The following NEB variants were observed in gnomAD, a reference collection of about 807,000 sequenced individuals.
The protein encoded by NEB is nemaline myopathy type 2.
In NEB, 512 loss-of-function variants were observed where a neutral mutation model predicts 952.2. That is an observed-to-expected ratio of 0.54 (90% CI 0.50 to 0.58). The LOEUF is 0.58. NEB is among the 20% of genes least tolerant of loss of function. The pLI is 0.00. For synonymous variants in NEB, 2,900 were observed against 3,149.8 expected, an observed-to-expected ratio of 0.92 and a Z score of 2.66; for missense variants, 8,428 against 9,231.1, an observed-to-expected ratio of 0.91 and a Z score of 3.56.
intron 68 of NEB, among the ~76,000 whole-genome samples, 152 bp from the exon 69 acceptor site, chr2:151,627,986 T>C (rs2098556102): frequency 6.6e-6 from 1 of 152,210 alleles, no homozygotes; most frequent in African/African-American, 2.4e-5. Context: ...TAAATTCTTA[T>C]TAGACTCTAC....
chr2:151,641,839 G>C (rs566299587), intron 60 of NEB, among the ~76,000 whole-genome samples: 1 of 152,072 alleles, frequency 6.6e-6, no homozygotes, highest in Non-Finnish European at 1.5e-5. Context: ...TATACTTTAA[G>C]TTCTAGGGTA....
chr2:151,636,517 CA>C (rs764605177), intron 63 of NEB, among the ~76,000 whole-genome samples, 183 bp from the exon 64 acceptor site: 2 of 152,160 alleles, frequency 1.3e-5, no homozygotes, highest in Non-Finnish European at 2.9e-5. Context: ...TGGTGGCTCA[CA>C]CCTGTAATCC....
At chr2:151,495,338 G>T (rs1334003599) in intron 173 of NEB, 1 of 152,196 alleles carries the variant, frequency 6.6e-6, no homozygotes, top group African/African-American at 2.4e-5. Context: ...TCAGTAATGA[G>T]AACTTGTTAA....
Position 151,567,304 on chromosome 2 carries a change from A to C in NEB, c.18020T>G (p.Val6007Gly). ...CCCCTGCTTGGCGGCCAAGACTGACACCATATCAGCAGGTATATTGATTTT... is the reference window on the plus strand; with the variant it reads ...CCCCTGCTTGGCGGCCAAGACTGACCCCATATCAGCAGGTATATTGATTTT... ...KAKINIPADM[V>G]SVLAAKQGQT... The change falls in exon 114 of 182, where the codon GTG becomes GGG. Residue 6007 changes from valine (V) to glycine (G), a missense_variant. Transcript: ENST00000397345. 1 of 1,613,962 alleles carries C rather than the reference A, an allele frequency of 6.2e-7. No homozygotes were observed.
In NEB at chr2:151,533,514, C is replaced by T; in HGVS notation, c.21345G>A (p.Leu7115=). 1 of 1,551,042 alleles carries T rather than the reference C, an allele frequency of 6.4e-7. No homozygotes were observed. Among genetic ancestry groups the T allele is most frequent in the Non-Finnish European group, 8.7e-7 (1 of 1,146,536 alleles). ...GCAGAATTTCATTACATCCATGTTG[C>T]AGAAACATCTTGGCACTAGATTTAT... ...RKYKSSAKMF[L]QHGCNEILRP... Residue 7115 remains leucine (L), a synonymous_variant, in exon 143 of 182, where the codon CTG becomes CTA. Coordinates refer to ENST00000397345, the MANE Select transcript of NEB (RefSeq NM_001164508.2).
chr2:151,698,203 AT>A (rs1268047532), intron 13 of NEB, among the ~76,000 whole-genome samples: 5 of 152,066 alleles, frequency 3.3e-5, no homozygotes, highest in African/African-American at 7.2e-5. Context: ...ACTCAAAAAA[AT>A]TTTTTTTCTT....
rs751650751 is a variant in NEB at position 151,610,554 on chromosome 2, T to C, written c.11980A>G (p.Ile3994Val). ...DYDLRADAIS[I>V]KSAKASRDIA... ...TCCCTGGAGGCCTTGGCACTTTTGA[T>C]GGAAATAGCATCTGCTCTCAGATCA... Residue 3994 changes from isoleucine to valine, a missense_variant, in exon 80 of 182, where the codon ATC becomes GTC. Coordinates refer to ENST00000397345, the MANE Select transcript of NEB (RefSeq NM_001164508.2). The C allele has an allele frequency of 1.9e-6, 3 of 1,613,782 alleles. No individual in the cohort carries two copies. The South Asian group carries it at 3.3e-5, about 18-fold the overall frequency.
intron 27 of NEB, among the ~76,000 whole-genome samples, chr2:151,686,077 A>G (rs1193101174): frequency 1.3e-5 from 2 of 152,222 alleles, no homozygotes; most frequent in African/African-American, 2.4e-5. Context: ...ATTGAAAACA[A>G]CAGTTTGTCT....
rs1419117871 is a variant in NEB at position 151,633,720 on chromosome 2, C to T, written c.9348G>A (p.Glu3116=). Residue 3116 remains glutamate (E), a synonymous_variant, in exon 65 of 182, where the codon GAG becomes GAA. Coordinates refer to ENST00000397345, the MANE Select transcript of NEB (RefSeq NM_001164508.2). ...CGCTCTGGTCAGGCAGGCATGTCCA[C>T]TCGTGCAGGTAGTTCTTATAGTCCA... The part of the protein sequence containing the change: ...SDVDYKNYLH[E]WTCLPDQSDV... 6.2e-7 allele frequency: 1 copy of T among 1,613,986 alleles called. No individual in the cohort carries two copies. The highest frequency in any genetic ancestry group is 8.5e-7 in the Non-Finnish European group (1 of 1,179,890).
At chr2:151,524,490 G>A in intron 152 of NEB, 25 bp downstream of exon 152, 1 of 1,613,002 alleles carries the variant, frequency 6.2e-7, no homozygotes, top group Non-Finnish European at 8.5e-7. Context: ...GTTGGGGACT[G>A]GGGACATTTT....
chr2:151,492,302 T>C, intron 177 of NEB, 21 bp from the exon 178 acceptor site: 2 of 1,605,080 alleles, frequency 1.2e-6, no homozygotes, highest in African/African-American at 2.7e-5. Context: ...ATGAATTTGC[T>C]TTATGAAAAT....
At position 151,656,377 on chromosome 2, in the gene NEB, T is replaced by C. The variant is rs527787405; in HGVS notation, c.6271A>G (p.Met2091Val). The change falls in exon 49 of 182, where the codon ATG (methionine) becomes GTG (valine). Residue 2091 changes from methionine (M) to valine (V), a missense_variant. Physicochemically the swap from Met to Val is conservative, Grantham distance 21. Coordinates refer to ENST00000397345, the MANE Select transcript of NEB (RefSeq NM_001164508.2). ...LEDDPKLVHS[M>V]QVAKMQSDRE... is the part of the protein sequence containing the mutation. ...TCAGATTGCATCTTAGCCACTTGCATGGAATGGACTAATTTGGGATCATCC... is the reference window on the plus strand; with the variant it reads ...TCAGATTGCATCTTAGCCACTTGCACGGAATGGACTAATTTGGGATCATCC... 7 of 1,613,614 alleles carry C rather than the reference T, an allele frequency of 4.3e-6. No homozygotes were observed. The South Asian group carries it at 4.4e-5, about 10-fold the overall frequency.
chr2:151,643,821 G>T lies in NEB; in HGVS notation c.7953C>A (p.Ser2651Arg). The change falls in exon 57 of 182, where the codon AGC (serine) becomes AGA (arginine). Residue 2651 changes from serine to arginine, a missense_variant. Ser to Arg is a moderately radical substitution (Grantham distance 110). This residue lies in a region of NEB where 1,772 missense variants were observed against 1,960.3 expected (regional missense o/e 0.90). Coordinates refer to ENST00000397345, the MANE Select transcript of NEB (RefSeq NM_001164508.2). ...CAAAGGAAAATCTTAGACTCACATC[G>T]CTCTGGAGGTCATAGGCCTGCCGAG... ...IHARQAYDLQ[S>R]DNLYKSDLQW... 6.2e-7 allele frequency: 1 copy of T among 1,612,232 alleles called. No homozygotes were observed. Among genetic ancestry groups the T allele is most frequent in the Non-Finnish European group, 8.5e-7 (1 of 1,178,428 alleles).
chr2:151,682,842 C>A (rs762169412), intron 28 of NEB, 73 bp from the exon 29 acceptor site: 1 of 1,311,440 alleles, frequency 7.6e-7, no homozygotes, highest in East Asian at 2.5e-5. Context: ...AAAGTTTTAC[C>A]CAAAACAATG....
At position 151,650,756 on chromosome 2, in the gene NEB, C is replaced by T; in HGVS notation, c.7045G>A (p.Asp2349Asn). 1 of 1,613,932 alleles carries T rather than the reference C, an allele frequency of 6.2e-7. No homozygotes were observed. The highest frequency in any genetic ancestry group is 1.3e-5 in the African/African-American group (1 of 75,028). The change falls in exon 53 of 182, where the codon GAC becomes AAC. Residue 2349 changes from aspartate to asparagine, a missense_variant. Physicochemically the swap from Asp to Asn is conservative, Grantham distance 23 (BLOSUM62 1). Transcript: ENST00000397345. ...AACTTAGTTTTCCACTTCTCAAAGT[C>T]CTTCTTGTATTCTCTTTCACTCTGC... ...KMQSEREYKK[D>N]FEKWKTKFSS...
rs760410756 is a variant in NEB, at chr2:151,697,384, G to A, written c.1331C>T (p.Ser444Leu). ...TTGAGCTGTGACTTTCATGCAGTGT[G>A]AATGGTATGGATCCTCGAAGCTGCC... ...YVGSFEDPYH[S>L]HCMKVTAQNS... Residue 444 changes from serine to leucine, a missense_variant, in exon 15 of 182, where the codon TCA (serine) becomes TTA (leucine). Transcript: ENST00000397345. The A allele has an allele frequency of 6.2e-7, 1 of 1,613,944 alleles. No homozygotes were observed. Among genetic ancestry groups the A allele is most frequent in the South Asian group, 1.1e-5 (1 of 91,072 alleles).
intron 117 of NEB, 89 bp from the exon 118 acceptor site, chr2:151,564,019 T>C (rs544060798): frequency 6.3e-6 from 6 of 959,890 alleles, no homozygotes; most frequent in East Asian, 5.3e-5. Context: ...AGGTGAAACA[T>C]GTATGTTCAA....
chr2:151,608,843 C>CA (rs2097786285), intron 81 of NEB, among the ~76,000 whole-genome samples, 167 bp from the exon 82 acceptor site: 1 of 89,796 alleles, frequency 1.1e-5, no homozygotes, highest in Admixed American at 1.5e-4. Context: ...GCAGAGCTTG[C>CA]AGTGAGCCGA....
intron 162 of NEB, chr2:151,507,793 C>T: frequency 1.9e-6 from 1 of 528,492 alleles, no homozygotes; most frequent in Admixed American, 3.1e-5. Context: ...CCAATACCAC[C>T]AACGAAGTAA....
Sources: allele counts gnomAD v4.1 joint callset (sites outside exome capture counted in the v4.1 genomes callset), GRCh38; gene constraint gnomAD v4.1.1; regional missense constraint gnomAD v4.1.1; transcripts MANE v1.5; gene names NCBI Gene and HGNC (gene_info 2026-07-23, HGNC 2026-07-21).